The following ZNF83 variants were observed in gnomAD, a reference collection of about 807,000 sequenced individuals.
ZNF83 encodes zinc finger protein 83, also known as zinc finger protein 816B.
For missense variants in ZNF83, 552 were observed against 629.9 expected (o/e 0.88, Z 1.32); for synonymous variants, 209 against 213.0 (o/e 0.98, Z 0.17).
Position 52,614,635 on chromosome 19 carries a change from C to T in ZNF83, c.-71G>A. On this transcript the variant is annotated 5_prime_UTR_variant, in exon 3 of 3. An upstream open reading frame in the 5' UTR gains an earlier in-frame stop. Coordinates refer to ENST00000301096, the Ensembl canonical transcript of ZNF83. ...CTTATAATGTCTTCAATCATGTTTC[C>T]ACAGACACTGAGAGTCATGTACATT... 1 of 1,452,294 alleles carries T rather than the reference C, an allele frequency of 6.9e-7. No homozygotes were observed. The highest frequency in any genetic ancestry group is 9.1e-7 in the Non-Finnish European group (1 of 1,098,024). 90.0% of individuals were successfully genotyped at this position (1,452,294 alleles called of 1,614,324 possible).
At chr19:52,644,316 C>G (rs2061346465) in intron 3 of ZNF83, among the ~76,000 whole-genome samples, 1 of 152,088 alleles carries the variant, frequency 6.6e-6, no homozygotes, top group African/African-American at 2.4e-5. Flanking sequence ...GCCAGGGTCA[C>G]TCAGGTTGAG....
exon 3 of ZNF83, chr19:52,614,503 G>C (rs375213269): frequency 6.2e-7 from 1 of 1,606,980 alleles, no homozygotes; most frequent in South Asian, 1.1e-5. Context: ...ATGTGACTGC[G>C]GGTTTAATCC....
At chr19:52,683,421 G>A (rs749033662) in intron 1 of ZNF83, among the ~76,000 whole-genome samples, 4 of 151,780 alleles carry the variant, frequency 2.6e-5, no homozygotes, top group Admixed American at 6.6e-5. Flanking sequence ...CTGAAGTCAC[G>A]GAGCCTCCAG....
intron 3 of ZNF83, among the ~76,000 whole-genome samples, chr19:52,645,943 T>C (rs2147236524): frequency 6.6e-6 from 1 of 152,206 alleles, no homozygotes; most frequent in East Asian, 1.9e-4. Context: ...TTTTTGTTTG[T>C]TTGCTTGTTT....
chr19:52,663,637 AC>A (rs1465239011), intron 1 of ZNF83, among the ~76,000 whole-genome samples: 1 of 152,248 alleles, frequency 6.6e-6, no homozygotes, highest in Non-Finnish European at 1.5e-5. Flanking sequence ...CATTGAAACA[AC>A]CTAAAATCAT....
At chr19:52,674,896 A>T (rs1343978524) in intron 1 of ZNF83, among the ~76,000 whole-genome samples, 1 of 152,212 alleles carries the variant, frequency 6.6e-6, no homozygotes, top group Admixed American at 6.5e-5. Flanking sequence ...GAAACAAAAA[A>T]CCGGCTGGGA....
chr19:52,669,679 C>T (rs1971230968), intron 1 of ZNF83, among the ~76,000 whole-genome samples: 1 of 152,184 alleles, frequency 6.6e-6, no homozygotes, highest in Non-Finnish European at 1.5e-5. Context: ...GACCCCTTTT[C>T]AGGATGGCTA....
intron 1 of ZNF83, among the ~76,000 whole-genome samples, chr19:52,686,173 G>T (rs960296930): frequency 2.0e-5 from 3 of 152,034 alleles, no homozygotes; most frequent in Admixed American, 2.0e-4. Flanking sequence ...TTCTGTATGA[G>T]GTACCAAAGT....
chr19:52,687,578 TTATATA>T (rs35178808), intron 1 of ZNF83, among the ~76,000 whole-genome samples: 3 of 38,588 alleles, frequency 7.8e-5, no homozygotes, highest in African/African-American at 2.6e-4. Context: ...TATATAAATT[TTATATA>T]TATATATATA....
chr19:52,631,127 T>C (rs1006484510), intron 2 of ZNF83, among the ~76,000 whole-genome samples: 5 of 135,074 alleles, frequency 3.7e-5, no homozygotes, highest in African/African-American at 1.4e-4. Flanking sequence ...TACCTGGGGC[T>C]GTACTGCCGC....
chr19:52,672,589 A>C (rs2061741226), intron 1 of ZNF83, among the ~76,000 whole-genome samples: 1 of 152,222 alleles, frequency 6.6e-6, no homozygotes, highest in South Asian at 2.1e-4. Flanking sequence ...TATGTTTTAA[A>C]AATTAATTAA....
chr19:52,626,854 ATTTTG>A (rs1466882423), intron 2 of ZNF83, among the ~76,000 whole-genome samples: 8 of 151,966 alleles, frequency 5.3e-5, no homozygotes, highest in Non-Finnish European at 1.0e-4. Flanking sequence ...ACACTTCACT[ATTTTG>A]TTTTATTTTT....
chr19:52,656,309 G>C (rs2061504381), intron 2 of ZNF83, among the ~76,000 whole-genome samples: 1 of 151,696 alleles, frequency 6.6e-6, no homozygotes, highest in South Asian at 2.1e-4. Flanking sequence ...ATCACTTAAG[G>C]TCAGGAGTTT....
chr19:52,681,718 T>C (rs543516185), intron 1 of ZNF83, among the ~76,000 whole-genome samples: 1 of 152,296 alleles, frequency 6.6e-6, no homozygotes, highest in South Asian at 2.1e-4. Flanking sequence ...AGATACAGCT[T>C]CAAAACTAAA....
At chr19:52,672,903 T>C (rs2061745419) in intron 1 of ZNF83, among the ~76,000 whole-genome samples, 1 of 152,136 alleles carries the variant, frequency 6.6e-6, no homozygotes, top group South Asian at 2.1e-4. Context: ...CAGAAATAAT[T>C]AATAAATAGA....
intron 2 of ZNF83, among the ~76,000 whole-genome samples, chr19:52,616,088 T>C (rs2060295297): frequency 6.6e-6 from 1 of 152,230 alleles, no homozygotes; most frequent in African/African-American, 2.4e-5. Context: ...TCCACCCACC[T>C]TGGGCTCCCA....
chr19:52,652,597 A>C, intron 3 of ZNF83: 2 of 435,684 alleles, frequency 4.6e-6, no homozygotes, highest in Non-Finnish European at 9.2e-6. Context: ...ATGAACTGCA[A>C]GCTATGAACA....
chr19:52,658,553 G>A (rs1261589294), intron 2 of ZNF83, among the ~76,000 whole-genome samples: 1 of 152,102 alleles, frequency 6.6e-6, no homozygotes, highest in Non-Finnish European at 1.5e-5. Context: ...TGACAGTGTT[G>A]GGATTTACTC....
At chr19:52,672,235 AAAAAAT>A (rs553004926) in intron 1 of ZNF83, among the ~76,000 whole-genome samples, 4 of 152,206 alleles carry the variant, frequency 2.6e-5, no homozygotes, top group Admixed American at 6.5e-5. Context: ...TTCTGTCTCA[AAAAAAT>A]AAAAATAAAA....
Sources: allele counts gnomAD v4.1 joint callset (sites outside exome capture counted in the v4.1 genomes callset), GRCh38; gene constraint gnomAD v4.1.1; transcripts MANE v1.5; gene names NCBI Gene and HGNC (gene_info 2026-07-23, HGNC 2026-07-21).